The following NHERF1 variants were observed in gnomAD, a reference collection of about 807,000 sequenced individuals.
NHERF1 encodes NHERF family PDZ scaffold protein 1, also known as Na(+)/H(+) exchange regulatory cofactor NHE-RF1.
the NHERF1 span, among the ~76,000 whole-genome samples, chr17:74,752,679 A>G: frequency 6.6e-6 from 1 of 152,140 alleles, no homozygotes; most frequent in Non-Finnish European, 1.5e-5. Flanking sequence ...TTCTTTGTAG[A>G]GATGGAGTTT....
At chr17:74,766,502 C>T in the NHERF1 span, among the ~76,000 whole-genome samples, 1 of 151,760 alleles carries the variant, frequency 6.6e-6, no homozygotes, top group African/African-American at 2.4e-5. Context: ...TATGCCTGGC[C>T]CAGACATTTT....
chr17:74,768,209 A>T, the NHERF1 span: 3 of 1,613,528 alleles, frequency 1.9e-6, no homozygotes, highest in Non-Finnish European at 2.5e-6. Flanking sequence ...CCCTGGTGAG[A>T]TCCGCCTCCA....
chr17:74,763,940 G>A, the NHERF1 span, among the ~76,000 whole-genome samples: 15 of 152,146 alleles, frequency 9.9e-5, no homozygotes, highest in African/African-American at 3.1e-4. Context: ...GACGGGGGCC[G>A]GTGCCTCCCC....
chr17:74,760,464 T>G, the NHERF1 span, among the ~76,000 whole-genome samples: 1 of 152,134 alleles, frequency 6.6e-6, no homozygotes, highest in African/African-American at 2.4e-5. This position sits in a 1 kb window ranked among gnomAD's most constrained non-coding sequence, Gnocchi z 4.5. Flanking sequence ...TTTAAAGGAA[T>G]GCAAAGTCAT....
chr17:74,764,193 G>A, the NHERF1 span, among the ~76,000 whole-genome samples: 7 of 152,232 alleles, frequency 4.6e-5, no homozygotes, highest in Non-Finnish European at 7.3e-5. This position sits in a 1 kb window ranked among gnomAD's most constrained non-coding sequence, Gnocchi z 4.9. Flanking sequence ...TCCCTGGAGC[G>A]GGCAGGGGTG....
At chr17:74,763,527 C>A in the NHERF1 span, 1 of 1,579,982 alleles carries the variant, frequency 6.3e-7, no homozygotes, top group East Asian at 2.3e-5. Context: ...AATGGTAAGC[C>A]AGGTGGGGCC....
chr17:74,750,451 G>A, the NHERF1 span, among the ~76,000 whole-genome samples: 1 of 152,200 alleles, frequency 6.6e-6, no homozygotes, highest in South Asian at 2.1e-4. Context: ...TCGGCATTAA[G>A]GTAGAAGGCA....
the NHERF1 span, among the ~76,000 whole-genome samples, chr17:74,764,085 C>G: frequency 2.0e-5 from 3 of 152,240 alleles, no homozygotes; most frequent in Non-Finnish European, 4.4e-5. This position sits in a 1 kb window ranked among gnomAD's most constrained non-coding sequence, Gnocchi z 4.9. Context: ...TCCCCCTGCC[C>G]AGGCCCGAGC....
the NHERF1 span, among the ~76,000 whole-genome samples, chr17:74,766,178 GGTTT>G: frequency 5.9e-5 from 9 of 151,708 alleles, no homozygotes; most frequent in East Asian, 1.9e-4. Context: ...CAGGTTTTTT[GGTTT>G]GTTTTTTTTG....
At chr17:74,756,025 C>T in the NHERF1 span, among the ~76,000 whole-genome samples, 2 of 149,208 alleles carry the variant, frequency 1.3e-5, no homozygotes, top group Non-Finnish European at 3.0e-5. Context: ...GCGATCTCGG[C>T]TCACTGCAAG....
chr17:74,767,851 C>T, the NHERF1 span: 1 of 461,462 alleles, frequency 2.2e-6, no homozygotes, highest in Non-Finnish European at 4.1e-6. Context: ...AAGCCAGTAC[C>T]TAAAAGCCAC....
At chr17:74,749,763 C>G in the NHERF1 span, among the ~76,000 whole-genome samples, 1 of 152,206 alleles carries the variant, frequency 6.6e-6, no homozygotes, top group African/African-American at 2.4e-5. The surrounding 1 kb of genome is among the most constrained non-coding windows in gnomAD (Gnocchi z 5.6). Flanking sequence ...AATAGCATTA[C>G]TCCTCCTGTG....
the NHERF1 span, among the ~76,000 whole-genome samples, chr17:74,766,512 TTTTG>T: frequency 8.5e-5 from 13 of 152,076 alleles, no homozygotes; most frequent in Admixed American, 3.3e-4. Context: ...CCAGACATTT[TTTTG>T]TTTTTTTTAA....
the NHERF1 span, chr17:74,768,736 CT>C: frequency 7.9e-7 from 1 of 1,270,324 alleles, no homozygotes; most frequent in African/African-American, 1.5e-5. Flanking sequence ...AATTACTCCC[CT>C]GAATCAATGT....
the NHERF1 span, chr17:74,748,937 G>T: frequency 1.2e-6 from 2 of 1,604,422 alleles, no homozygotes; most frequent in Non-Finnish European, 1.7e-6. The surrounding 1 kb of genome is among the most constrained non-coding windows in gnomAD (Gnocchi z 4.3). Context: ...CCTGCACGGG[G>T]AGAAGGGCAA....
At chr17:74,754,977 C>T in the NHERF1 span, among the ~76,000 whole-genome samples, 2 of 152,182 alleles carry the variant, frequency 1.3e-5, no homozygotes, top group African/African-American at 4.8e-5. Flanking sequence ...GAGGCTGAGG[C>T]TTGATCAGTT....
At chr17:74,759,232 C>T in the NHERF1 span, among the ~76,000 whole-genome samples, 1 of 152,344 alleles carries the variant, frequency 6.6e-6, no homozygotes, top group Middle Eastern at 3.4e-3. Context: ...CACATCTAGA[C>T]AGAACAGTGG....
chr17:74,751,798 G>C, the NHERF1 span, among the ~76,000 whole-genome samples: 1 of 152,240 alleles, frequency 6.6e-6, no homozygotes, highest in African/African-American at 2.4e-5. The surrounding 1 kb of genome is among the most constrained non-coding windows in gnomAD (Gnocchi z 4.3). Context: ...AGTGCCGGCC[G>C]GGCAGAGCCG....
chr17:74,768,340 C>A, the NHERF1 span: 1 of 1,374,948 alleles, frequency 7.3e-7, no homozygotes, highest in Non-Finnish European at 1.0e-6. Context: ...ACATGCTGAG[C>A]CGCATTCTGT....
Sources: allele counts gnomAD v4.1 joint callset (sites outside exome capture counted in the v4.1 genomes callset), GRCh38; gene constraint gnomAD v4.1.1; non-coding constraint Gnocchi (gnomAD v3.1); transcripts MANE v1.5; gene names NCBI Gene and HGNC (gene_info 2026-07-23, HGNC 2026-07-21).